Variants in MACROD2 observed in about 807,000 individuals in gnomAD.
MACROD2 encodes ADP-ribose glycohydrolase MACROD2.
MACROD2 carries 36 observed loss-of-function variants against 70.4 expected under a neutral mutation model. That is an observed-to-expected ratio of 0.51 (90% CI 0.39 to 0.68). The LOEUF is 0.68. Among genes scored for constraint, MACROD2 ranks in the 30% least tolerant of loss-of-function variants. The pLI is 0.00. For missense variants in MACROD2, 496 were observed against 538.4 expected (o/e 0.92, Z 0.78); for synonymous variants, 172 against 178.8 (o/e 0.96, Z 0.30).
intron 8 of MACROD2, among the ~76,000 whole-genome samples, chr20:15,822,434 A>C (rs1398387096): frequency 1.3e-5 from 2 of 152,166 alleles, no homozygotes; most frequent in African/African-American, 4.8e-5. Context: ...GTTATGATAA[A>C]ATATACCATG....
intron 8 of MACROD2, among the ~76,000 whole-genome samples, chr20:15,606,065 TATA>T (rs2048889178): frequency 6.6e-6 from 1 of 152,196 alleles, no homozygotes; most frequent in South Asian, 2.1e-4. Flanking sequence ...TTTGGATTTT[TATA>T]ATGTCTCATT....
intron 5 of MACROD2, among the ~76,000 whole-genome samples, chr20:15,166,503 TA>T (rs1422563536): frequency 6.6e-6 from 1 of 152,132 alleles, no homozygotes; most frequent in Non-Finnish European, 1.5e-5. Context: ...TTCCATTGTT[TA>T]TAAGTCACCA....
chr20:15,378,010 G>A (rs890500826), intron 6 of MACROD2, among the ~76,000 whole-genome samples: 1 of 152,036 alleles, frequency 6.6e-6, no homozygotes, highest in Admixed American at 6.5e-5. Flanking sequence ...GGGCCTGAGG[G>A]AGGTATAGCA....
intron 6 of MACROD2, among the ~76,000 whole-genome samples, chr20:15,411,177 C>CAA (rs1195592642): frequency 6.9e-6 from 1 of 145,936 alleles, no homozygotes; most frequent in Non-Finnish European, 1.5e-5. Context: ...CACACACACA[C>CAA]ACAAAGCTGA....
intron 8 of MACROD2, among the ~76,000 whole-genome samples, chr20:15,619,141 A>C (rs1244748252): frequency 6.6e-6 from 1 of 152,200 alleles, no homozygotes; most frequent in Non-Finnish European, 1.5e-5. Flanking sequence ...GAGGGTGAGA[A>C]TCTTGTAGCC....
intron 3 of MACROD2, among the ~76,000 whole-genome samples, chr20:14,398,926 A>T (rs1414276282): frequency 2.0e-5 from 3 of 151,996 alleles, no homozygotes; most frequent in Non-Finnish European, 2.9e-5. Flanking sequence ...CGCCCTGTTC[A>T]TACCATTCCT....
chr20:15,791,626 G>A (rs1776337462), intron 8 of MACROD2, among the ~76,000 whole-genome samples: 1 of 151,894 alleles, frequency 6.6e-6, no homozygotes, highest in South Asian at 2.1e-4. Flanking sequence ...TAGTAGCATT[G>A]TAAACAACCC....
At chr20:14,801,719 T>C (rs1305471117) in intron 5 of MACROD2, among the ~76,000 whole-genome samples, 1 of 152,066 alleles carries the variant, frequency 6.6e-6, no homozygotes, top group Non-Finnish European at 1.5e-5. Flanking sequence ...GCTTCATCTG[T>C]GGTGCTAGGG....
chr20:14,361,969 C>A (rs2122721063), intron 3 of MACROD2, among the ~76,000 whole-genome samples: 1 of 152,324 alleles, frequency 6.6e-6, no homozygotes, highest in Middle Eastern at 3.4e-3. Flanking sequence ...ATTGACGTCT[C>A]TGGTTTATCT....
At chr20:15,077,491 TA>T in intron 5 of MACROD2, among the ~76,000 whole-genome samples, 1 of 152,340 alleles carries the variant, frequency 6.6e-6, no homozygotes, top group African/African-American at 2.4e-5. Flanking sequence ...AAGCACTATC[TA>T]AATGTAAAGG....
chr20:15,976,825 T>C (rs1326698305), intron 13 of MACROD2, among the ~76,000 whole-genome samples: 1 of 152,098 alleles, frequency 6.6e-6, no homozygotes, highest in East Asian at 1.9e-4. Context: ...TAGAGACAGG[T>C]TTAGAGGGCA....
intron 2 of MACROD2, among the ~76,000 whole-genome samples, chr20:14,033,147 G>A (rs1421010407): frequency 6.7e-6 from 1 of 149,324 alleles, no homozygotes; most frequent in African/African-American, 2.5e-5. Context: ...TGTGTGGTAG[G>A]CGGTAAGTTG....
chr20:14,451,602 A>G (rs907199882), intron 3 of MACROD2, among the ~76,000 whole-genome samples: 2 of 152,118 alleles, frequency 1.3e-5, no homozygotes, highest in African/African-American at 2.4e-5. Flanking sequence ...GCCTTCTTCC[A>G]CCAGCATTTG....
intron 3 of MACROD2, among the ~76,000 whole-genome samples, chr20:14,231,086 G>C (rs150533010): frequency 6.6e-6 from 1 of 150,742 alleles, no homozygotes; most frequent in Non-Finnish European, 1.5e-5. Flanking sequence ...AAGCTTTGTT[G>C]TTCCATTTAT....
At chr20:15,288,003 A>C (rs1003970131) in intron 6 of MACROD2, among the ~76,000 whole-genome samples, 1 of 152,196 alleles carries the variant, frequency 6.6e-6, no homozygotes, top group African/African-American at 2.4e-5. Context: ...ATATAGAGAG[A>C]TAGTGATATA....
At chr20:15,054,577 C>T (rs543339422) in intron 5 of MACROD2, among the ~76,000 whole-genome samples, 2 of 152,232 alleles carry the variant, frequency 1.3e-5, no homozygotes, top group East Asian at 3.9e-4. Context: ...ATACTACACA[C>T]ACAACTTTGA....
At chr20:14,685,009 G>A (rs1328581965) in intron 5 of MACROD2, 50 bp downstream of exon 5, 1 of 1,403,902 alleles carries the variant, frequency 7.1e-7, no homozygotes, top group Admixed American at 1.7e-5. Context: ...ATCTTAACTT[G>A]TTTTACTCCA....
At chr20:15,730,103 C>T (rs2050925260) in intron 8 of MACROD2, among the ~76,000 whole-genome samples, 1 of 152,176 alleles carries the variant, frequency 6.6e-6, no homozygotes. Flanking sequence ...GTTGGGATTA[C>T]AGGCATGAGC....
chr20:14,230,993 T>C (rs2081805439), intron 3 of MACROD2, among the ~76,000 whole-genome samples: 1 of 148,400 alleles, frequency 6.7e-6, no homozygotes, highest in African/African-American at 2.5e-5. Flanking sequence ...AAAGGAATCT[T>C]TTTTTTTTTT....
Sources: allele counts gnomAD v4.1 joint callset (sites outside exome capture counted in the v4.1 genomes callset), GRCh38; gene constraint gnomAD v4.1.1; transcripts MANE v1.5; gene names NCBI Gene and HGNC (gene_info 2026-07-23, HGNC 2026-07-21).